The following MKS1 variants were observed in gnomAD, a reference collection of about 807,000 sequenced individuals.
MKS1 encodes MKS transition zone complex subunit 1.
In MKS1, 70 loss-of-function variants were observed where a neutral mutation model predicts 83.7. That is an observed-to-expected ratio of 0.84 (90% confidence interval 0.69 to 1.02). The LOEUF (loss-of-function observed/expected upper bound fraction) is 1.02, where lower values mean the gene tolerates loss of function less well. Ranked by LOEUF, MKS1 falls within the 50% of genes least tolerant of loss-of-function variation. The pLI is 0.00. For missense variants in MKS1, 681 were observed against 726.9 expected (o/e 0.94, Z 0.73); for synonymous variants, 251 against 273.4 (o/e 0.92, Z 0.81).
At chr17:58,213,736 C>T in intron 7 of MKS1, 29 bp downstream of exon 7, 1 of 1,542,730 alleles carries the variant, frequency 6.5e-7, no homozygotes, top group Non-Finnish European at 9.0e-7. Flanking sequence ...GAATGCCAGT[C>T]TCCACTACCC....
Position 58,216,691 on chromosome 17 carries a change from C to A in MKS1, c.236G>T (p.Gly79Val), listed in dbSNP as rs774076532. 1 of 1,614,190 alleles carries A rather than the reference C, an allele frequency of 6.2e-7. No homozygotes were observed. The highest frequency in any genetic ancestry group is 8.5e-7 in the Non-Finnish European group (1 of 1,180,034). Residue 79 changes from glycine (G) to valine (V), a missense_variant, in exon 3 of 18, where the codon GGG becomes GTG. By Grantham distance (109) the Gly-to-Val change is moderately radical. Around this residue, in one of 3 missense-constraint regions of MKS1, gnomAD observed 365 missense variants for 383.8 expected, o/e 0.95. Transcript: ENST00000393119. The part of the protein sequence containing the change: ...EEDEEEEIVI[G>V]WQEKLFSQFE... ...CTGGCTAAAGAGCTTCTCCTGCCACCCAATCACAATCTCCTCCTCTTCGTC... is the reference window on the plus strand; with the variant it reads ...CTGGCTAAAGAGCTTCTCCTGCCACACAATCACAATCTCCTCCTCTTCGTC...
Position 58,214,394 on chromosome 17 carries a change from G to T in MKS1, c.516-7C>A, listed in dbSNP as rs755511133. 1.9e-6 allele frequency: 3 copies of T among 1,612,600 alleles called. No individual in the cohort carries two copies. The highest frequency in any genetic ancestry group is 1.3e-5 in the African/African-American group (1 of 74,868). ...CTTGAGGATGCCGCCCTCCCTGGGA[G>T]ACACCACAGAAAGGTCACTTCCCTG... On this transcript the variant is annotated splice_region_variant and splice_polypyrimidine_tract_variant and intron_variant, in intron 5 of 17. Coordinates refer to ENST00000393119, the MANE Select transcript of MKS1 (RefSeq NM_017777.4).
intron 15 of MKS1, 139 bp from the exon 16 acceptor site, chr17:58,206,686 T>C (rs1968535109): frequency 1.1e-6 from 1 of 873,204 alleles, no homozygotes; most frequent in Non-Finnish European, 1.8e-6. Context: ...TCACCCAGAC[T>C]CTATTACCTC....
chr17:58,218,264 C>G (rs879908984), intron 2 of MKS1, among the ~76,000 whole-genome samples: 2 of 151,520 alleles, frequency 1.3e-5, no homozygotes, highest in Non-Finnish European at 3.0e-5. Context: ...CTGGCTAACA[C>G]GGTGAAACCC....
In MKS1 at chr17:58,210,268, A is replaced by C. The variant is rs60811076; in HGVS notation, c.1024+391T>G. Among the ~76,000 whole-genome samples, 45 of 152,334 alleles carry C rather than the reference A, an allele frequency of 3.0e-4. No homozygotes were observed. In the East Asian group the frequency reaches 7.3e-3, roughly 25 times the overall value. ...GACGTATTGATGGTATTTAAGCCATAGGATGGATGACGTTGCCCAGGAAGA... is the reference window on the plus strand; with the variant it reads ...GACGTATTGATGGTATTTAAGCCATCGGATGGATGACGTTGCCCAGGAAGA... On this transcript the variant is annotated intron_variant, in intron 11 of 17. Transcript: ENST00000393119.
chr17:58,218,404 C>T (rs1333097784), intron 2 of MKS1: 1 of 391,580 alleles, frequency 2.6e-6, no homozygotes, highest in Admixed American at 4.7e-5. Context: ...GCGGAGATAG[C>T]GACACTGCAC....
intron 14 of MKS1, 144 bp downstream of exon 14, chr17:58,207,750 G>C (rs1312119707): frequency 2.5e-6 from 2 of 809,810 alleles, no homozygotes; most frequent in South Asian, 1.5e-5. Context: ...GGGGCAGAAA[G>C]TCCTCAGAGG....
At chr17:58,218,862 T>C (rs1483077331) in intron 1 of MKS1, 133 bp from the exon 2 acceptor site, 3 of 894,722 alleles carry the variant, frequency 3.4e-6, no homozygotes, top group Non-Finnish European at 1.8e-6. Flanking sequence ...GGAGAGGAGG[T>C]GGGTGGGTGC....
chr17:58,218,482 C>T, intron 2 of MKS1, 138 bp downstream of exon 2: 1 of 280,032 alleles, frequency 3.6e-6, no homozygotes. Context: ...AAAAAAAAAG[C>T]CACAAATAGA....
At chr17:58,208,701 T>G (rs1400654364) in intron 11 of MKS1, 118 bp from the exon 12 acceptor site, 1 of 984,230 alleles carries the variant, frequency 1.0e-6, no homozygotes, top group East Asian at 2.7e-5. Context: ...CATTCTTGGG[T>G]GTTTCTCGGA....
Position 58,211,001 on chromosome 17 carries a change from G to A in MKS1, c.937C>T (p.Leu313Phe). The A allele has an allele frequency of 6.2e-7, 1 of 1,614,060 alleles. No individual in the cohort carries two copies. Among genetic ancestry groups the A allele is most frequent in the South Asian group, 1.1e-5 (1 of 91,076 alleles). The stretch of plus-strand genomic sequence containing the variant: ...TTACCGACCTCTCCATTTACAAAGA[G>A]CCGGAGGGCACCTGGGACAGTCTAA... ...FEMTVPGALR[L>F]FVNGEVVSAQ... The change falls in exon 10 of 18, where the codon CTC becomes TTC. Residue 313 changes from leucine to phenylalanine, a missense_variant. By Grantham distance (22) the Leu-to-Phe change is conservative. Around this residue, in one of 3 missense-constraint regions of MKS1, gnomAD observed 310 missense variants for 321.7 expected, o/e 0.96. Coordinates refer to ENST00000393119, the MANE Select transcript of MKS1 (RefSeq NM_017777.4).
At chr17:58,214,640 A>C in intron 5 of MKS1, 101 bp downstream of exon 5, 1 of 1,211,994 alleles carries the variant, frequency 8.3e-7, no homozygotes, top group South Asian at 1.6e-5. Context: ...TTACAAAGTA[A>C]TACTTGAATA....
intron 11 of MKS1, 73 bp from the exon 12 acceptor site, chr17:58,208,656 T>G: frequency 7.0e-7 from 1 of 1,424,344 alleles, no homozygotes; most frequent in South Asian, 1.2e-5. Context: ...GACAGTTTCT[T>G]TTTTCTTTTC....
Position 58,207,923 on chromosome 17 carries a change from T to TA in MKS1, c.1243dup (p.Tyr415LeufsTer30). On this transcript the variant is annotated frameshift_variant, in exon 14 of 18. Transcript: ENST00000393119. LOFTEE classifies it high-confidence loss of function. ...AGTGGCAGGCAGCACCACAGCCCCA[T>TA]AGCCTTCCACACGGTACCTCTGCCA... The TA allele has an allele frequency of 3.1e-6, 5 of 1,613,960 alleles. No individual in the cohort carries two copies. The highest frequency in any genetic ancestry group is 4.2e-6 in the Non-Finnish European group (5 of 1,179,968).
At chr17:58,216,377 T>A in intron 3 of MKS1, 134 bp from the exon 4 acceptor site, 1 of 1,036,572 alleles carries the variant, frequency 9.6e-7, no homozygotes, top group Non-Finnish European at 1.4e-6. Flanking sequence ...AACACTAAAC[T>A]AATGAATGGC....
Position 58,206,014 on chromosome 17 carries a change from G to C in MKS1, c.*65C>G. On this transcript the variant is annotated 3_prime_UTR_variant, in exon 18 of 18. Transcript: ENST00000393119. ...TCTAATCAGAAAGACGAAGAGGCAG[G>C]AGAGCACTGGCCTCAGATATCCCCC... 2 of 1,556,690 alleles carry C rather than the reference G, an allele frequency of 1.3e-6. No homozygotes were observed. Among genetic ancestry groups the C allele is most frequent in the South Asian group, 1.2e-5 (1 of 85,096 alleles).
At position 58,208,136 on chromosome 17, in the gene MKS1, T is replaced by C. The variant is rs77365082; in HGVS notation, c.1134A>G (p.Glu378=). 1.1e-4 allele frequency: 172 copies of C among 1,613,968 alleles called. No individual in the cohort carries two copies. Among genetic ancestry groups the C allele is most frequent in the Non-Finnish European group, 1.4e-4 (169 of 1,179,854 alleles). The change falls in exon 13 of 18, where the codon GAA becomes GAG. Residue 378 remains glutamate (E), a synonymous_variant. Transcript: ENST00000393119. ...VAHFSYPFTF[E]AFFLHEDESS... ...ATTCATCCTCATGGAGGAAGAAGGCTTCAAACGTGAATGGGTAGGAGAAGT... is the reference window on the plus strand; with the variant it reads ...ATTCATCCTCATGGAGGAAGAAGGCCTCAAACGTGAATGGGTAGGAGAAGT...
At chr17:58,213,135 G>A in intron 7 of MKS1, 45 bp from the exon 8 acceptor site, 1 of 1,578,962 alleles carries the variant, frequency 6.3e-7, no homozygotes, top group Non-Finnish European at 8.7e-7. Flanking sequence ...AATAATGAGA[G>A]ATGGGCCCTG....
At chr17:58,215,179 A>G (rs1273120213) in intron 4 of MKS1, among the ~76,000 whole-genome samples, 1 of 152,222 alleles carries the variant, frequency 6.6e-6, no homozygotes, top group East Asian at 1.9e-4. Flanking sequence ...ATGGGATACA[A>G]GCATTTTGTG....
Sources: gnomAD v4.1 joint callset for allele counts (sites outside exome capture counted in the v4.1 genomes callset) on GRCh38, gnomAD v4.1.1 for gene constraint, gnomAD v4.1.1 regional missense constraint, MANE v1.5 for transcripts, NCBI Gene and HGNC (gene_info 2026-07-23, HGNC 2026-07-21) for gene names.